Variants in RTN1 observed in about 807,000 individuals in gnomAD.
RTN1 encodes reticulon-1.
In RTN1, 25 loss-of-function variants were observed where a neutral mutation model predicts 65.5. That is an observed-to-expected ratio of 0.38 (90% CI 0.28 to 0.53). RTN1 has a LOEUF of 0.53. Ranked by LOEUF, RTN1 falls within the 20% of genes least tolerant of loss-of-function variation. The pLI is 0.79. For synonymous variants in RTN1, 471 were observed against 447.6 expected (o/e 1.05, Z -0.66); for missense variants, 983 against 1,025.4 (o/e 0.96, Z 0.57).
intron 3 of RTN1, chr14:59,630,534 C>T: frequency 6.2e-7 from 1 of 1,612,926 alleles, no homozygotes; most frequent in East Asian, 2.2e-5. Context: ...CTCGCCGTGG[C>T]TCTCCTCGGG....
intron 2 of RTN1, among the ~76,000 whole-genome samples, chr14:59,742,016 G>T (rs902996139): frequency 6.6e-6 from 1 of 152,124 alleles, no homozygotes; most frequent in Admixed American, 6.5e-5. Flanking sequence ...GGTAAGCTGT[G>T]CAAGGGCAGG....
At chr14:59,851,379 T>A (rs1352015981) in intron 1 of RTN1, among the ~76,000 whole-genome samples, 1 of 152,194 alleles carries the variant, frequency 6.6e-6, no homozygotes, top group Non-Finnish European at 1.5e-5. Context: ...GGAGTTATTA[T>A]ACCACATAGG....
intron 3 of RTN1, among the ~76,000 whole-genome samples, chr14:59,671,302 T>C: frequency 6.6e-6 from 1 of 152,242 alleles, no homozygotes; most frequent in East Asian, 1.9e-4. Context: ...TTTAAACCCC[T>C]ATTAGCTATA....
chr14:59,644,019 T>C (rs569077663), intron 3 of RTN1, among the ~76,000 whole-genome samples: 2 of 152,092 alleles, frequency 1.3e-5, no homozygotes, highest in Admixed American at 6.6e-5. Flanking sequence ...TTGTGAAAAA[T>C]AGGATGATAA....
chr14:59,786,207 C>G (rs554367448), intron 1 of RTN1, among the ~76,000 whole-genome samples: 1 of 152,300 alleles, frequency 6.6e-6, no homozygotes, highest in East Asian at 1.9e-4. Flanking sequence ...AAACCTACCT[C>G]AAACAGAAGT....
At position 59,777,940 on chromosome 14, in the gene RTN1, C is replaced by G. The variant is rs538195192; in HGVS notation, c.242-31459G>C. ...GGCATGATGCAGCCTCTACGTGTCT[C>G]TTTAGCTTCTTTTTGTACCACATTC... On this transcript the variant is annotated intron_variant, in intron 1 of 8. Coordinates refer to ENST00000267484, the MANE Select transcript of RTN1 (RefSeq NM_021136.3). Among the ~76,000 whole-genome samples the G allele has an allele frequency of 4.6e-5, 7 of 152,146 alleles. No individual in the cohort carries two copies. In the South Asian group the frequency reaches 1.5e-3, roughly 32 times the overall value.
intron 3 of RTN1, among the ~76,000 whole-genome samples, chr14:59,701,533 C>A (rs1000346858): frequency 2.0e-5 from 3 of 151,986 alleles, no homozygotes; most frequent in African/African-American, 7.2e-5. Flanking sequence ...ATGGATGAAC[C>A]CTGAAAATAT....
At chr14:59,848,900 A>C (rs536006689) in intron 1 of RTN1, among the ~76,000 whole-genome samples, 1 of 152,178 alleles carries the variant, frequency 6.6e-6, no homozygotes, top group Non-Finnish European at 1.5e-5. Context: ...TCACTGATGA[A>C]AGGATAGGAA....
rs550594629 is a variant in RTN1, at chr14:59,648,197, A to C, written c.1766-40705T>G. Among the ~76,000 whole-genome samples the C allele has an allele frequency of 2.6e-5, 4 of 152,324 alleles. No homozygotes were observed. In the South Asian group the frequency reaches 8.3e-4, roughly 32 times the overall value. On this transcript the variant is annotated intron_variant, in intron 3 of 8. Transcript: ENST00000267484. ...ACACAAATTAGAAAACCTAGAAGAG[A>C]TAAATAAATTCCTGGACACATATAC...
At position 59,870,551 on chromosome 14, in the gene RTN1, TC is replaced by T; in HGVS notation, c.79del (p.Glu27ArgfsTer7). 1.6e-5 allele frequency: 24 copies of T among 1,454,896 alleles called. No individual in the cohort carries two copies. The highest frequency in any genetic ancestry group is 2.7e-5 in the South Asian group (2 of 74,820). 90.1% of individuals were successfully genotyped at this position (1,454,896 alleles called of 1,614,324 possible). ...CGGCGTCACCGCTTCGTTCTCCCCC[TC>T]CCCCCGGTGCCTGAGCCACTGGGAC... ...PGSQWLRHRG[E>X]GENEAVTPKG... On this transcript the variant is annotated frameshift_variant, in exon 1 of 9. Coordinates refer to ENST00000267484, the MANE Select transcript of RTN1 (RefSeq NM_021136.3). LOFTEE classifies it high-confidence loss of function. The surrounding 1 kb of genome is among the most constrained non-coding windows in gnomAD (Gnocchi z 5.1).
intron 3 of RTN1, among the ~76,000 whole-genome samples, chr14:59,613,878 A>C (rs1882031627): frequency 6.6e-6 from 1 of 152,088 alleles, no homozygotes; most frequent in South Asian, 2.1e-4. Flanking sequence ...CTCAAAATTA[A>C]AGGATCTGTT....
intron 1 of RTN1, among the ~76,000 whole-genome samples, chr14:59,837,969 CA>C (rs768159449): frequency 4.0e-5 from 6 of 151,842 alleles, no homozygotes; most frequent in Admixed American, 1.3e-4. Context: ...ATTTTAGATT[CA>C]GGGGGTACAT....
At chr14:59,678,850 AC>A (rs1268523180) in intron 3 of RTN1, among the ~76,000 whole-genome samples, 2 of 152,166 alleles carry the variant, frequency 1.3e-5, no homozygotes, top group Admixed American at 1.3e-4. Context: ...CCTGGGCCTC[AC>A]CCCAGGCTTA....
intron 3 of RTN1, among the ~76,000 whole-genome samples, chr14:59,719,075 G>A (rs1884596447): frequency 6.6e-6 from 1 of 152,118 alleles, no homozygotes; most frequent in Non-Finnish European, 1.5e-5. Flanking sequence ...AGCAGCCAAT[G>A]TGACCTCTAA....
chr14:59,765,090 A>G (rs1470236981), intron 1 of RTN1, among the ~76,000 whole-genome samples: 1 of 152,190 alleles, frequency 6.6e-6, no homozygotes, highest in Non-Finnish European at 1.5e-5. Context: ...ATTGCCTCGT[A>G]AAATGCTGTT....
intron 2 of RTN1, among the ~76,000 whole-genome samples, chr14:59,732,145 G>A (rs1884911146): frequency 6.6e-6 from 1 of 152,192 alleles, no homozygotes; most frequent in Admixed American, 6.5e-5. Context: ...AGATATGGAA[G>A]TGAAAAAGGA....
Position 59,774,671 on chromosome 14 carries a change from T to C in RTN1, c.242-28190A>G, listed in dbSNP as rs934037565. Among the ~76,000 whole-genome samples, 1 of 152,212 alleles carries C rather than the reference T, an allele frequency of 6.6e-6. No homozygotes were observed. The highest frequency in any genetic ancestry group is 1.5e-5 in the Non-Finnish European group (1 of 68,038). ...CTCATATTTATATGTGTATTCTTAA[T>C]GTTCCTTTCTAAATAAACCATTAAC... On this transcript the variant is annotated intron_variant, in intron 1 of 8. Transcript: ENST00000267484. This position sits in a 1 kb window ranked among gnomAD's most constrained non-coding sequence, Gnocchi z 5.1.
At chr14:59,607,256 G>C (rs2140163772) in intron 4 of RTN1, 29 bp downstream of exon 4, 4 of 1,601,580 alleles carry the variant, frequency 2.5e-6, no homozygotes, top group Non-Finnish European at 3.4e-6. Context: ...CTGGTCAGTG[G>C]GTGAGGGCTC....
intron 1 of RTN1, among the ~76,000 whole-genome samples, chr14:59,864,189 C>G (rs1393765676): frequency 6.6e-6 from 1 of 152,114 alleles, no homozygotes; most frequent in Non-Finnish European, 1.5e-5. Context: ...CCTATAGGAC[C>G]TAATCTATCC....
Sources: gnomAD v4.1 joint callset for allele counts (sites outside exome capture counted in the v4.1 genomes callset) on GRCh38, gnomAD v4.1.1 for gene constraint, Gnocchi (gnomAD v3.1) non-coding constraint, MANE v1.5 for transcripts, NCBI Gene and HGNC (gene_info 2026-07-23, HGNC 2026-07-21) for gene names.